The following DOCK4 variants were observed in gnomAD, a reference collection of about 807,000 sequenced individuals.
DOCK4 encodes dedicator of cytokinesis 4.
Under a neutral mutation model 268.1 loss-of-function variants are expected in DOCK4, and 97 were observed. The observed-to-expected ratio is 0.36, with a 90% CI of 0.31 to 0.43. DOCK4 has a LOEUF of 0.43. Among genes scored for constraint, DOCK4 ranks in the 20% least tolerant of loss-of-function variants. DOCK4 has a pLI of 1.00. For missense variants in DOCK4, 2,145 were observed against 2,455.7 expected (o/e 0.87, Z 2.67); for synonymous variants, 954 against 887.2 (o/e 1.08, Z -1.34).
At position 112,183,571 on chromosome 7, in the gene DOCK4, G is replaced by A. The variant is rs927968313; in HGVS notation, c.37+22531C>T. 2.0e-5 allele frequency among the ~76,000 whole-genome samples: 3 copies of A among 152,280 alleles called. No individual in the cohort carries two copies. In the South Asian group the frequency reaches 6.2e-4, roughly 32 times the overall value. The stretch of plus-strand genomic sequence containing the variant: ...CTCAAAAAGGATGGCATGGGCATGT[G>A]GGGTAGGGCAGTTCTTCCTTCTGAT... On this transcript the variant is annotated intron_variant, in intron 1 of 52. Transcript: ENST00000428084.
intron 50 of DOCK4, among the ~76,000 whole-genome samples, chr7:111,735,926 G>C (rs1367546079): frequency 6.6e-6 from 1 of 152,138 alleles, no homozygotes; most frequent in Non-Finnish European, 1.5e-5. Context: ...TTCACTTAAT[G>C]GGATGGAGTT....
intron 26 of DOCK4, 81 bp downstream of exon 26, chr7:111,834,507 G>C: frequency 9.1e-7 from 1 of 1,095,166 alleles, no homozygotes; most frequent in Non-Finnish European, 1.3e-6. Flanking sequence ...CAATTGTCTA[G>C]GATTTATCTC....
chr7:112,175,879 G>C (rs1818467335), intron 1 of DOCK4, among the ~76,000 whole-genome samples: 1 of 152,114 alleles, frequency 6.6e-6, no homozygotes, highest in Non-Finnish European at 1.5e-5. Context: ...ATTTAAGTGT[G>C]CTATAATAAC....
intron 17 of DOCK4, among the ~76,000 whole-genome samples, chr7:111,874,884 T>G (rs536334955): frequency 6.6e-6 from 1 of 152,160 alleles, no homozygotes; most frequent in Non-Finnish European, 1.5e-5. Context: ...AAATGCAAAT[T>G]TGCTCTATGA....
chr7:111,876,510 A>T (rs1010477849), intron 17 of DOCK4, among the ~76,000 whole-genome samples: 2 of 152,092 alleles, frequency 1.3e-5, no homozygotes, highest in Admixed American at 6.6e-5. Flanking sequence ...ACGATAAAAA[A>T]CTCAAAAATG....
intron 23 of DOCK4, 150 bp from the exon 24 acceptor site, chr7:111,847,276 A>T: frequency 1.0e-6 from 1 of 977,456 alleles, no homozygotes; most frequent in Non-Finnish European, 1.5e-6. Flanking sequence ...TTTATATTGA[A>T]AAACAGCAGT....
At chr7:112,018,179 A>AAAAAAAAAAAAAAAAAAACAC in intron 1 of DOCK4, among the ~76,000 whole-genome samples, 2 of 72,630 alleles carry the variant, frequency 2.8e-5, no homozygotes, top group African/African-American at 1.1e-4. Context: ...AAAAAAAAAA[A>AAAAAAAAAAAAAAAAAAACAC]ACACAGGCAA....
At chr7:111,856,739 G>A (rs1005304648) in intron 23 of DOCK4, among the ~76,000 whole-genome samples, 4 of 152,176 alleles carry the variant, frequency 2.6e-5, no homozygotes, top group South Asian at 2.1e-4. Flanking sequence ...AGGGGAATAC[G>A]GGTAAGCGGG....
chr7:111,781,372 G>A (rs1439910269), intron 35 of DOCK4, among the ~76,000 whole-genome samples: 2 of 152,220 alleles, frequency 1.3e-5, no homozygotes, highest in Non-Finnish European at 2.9e-5. Flanking sequence ...TCACTGTGAT[G>A]AGAGGCTGGC....
At position 111,930,199 on chromosome 7, in the gene DOCK4, C is replaced by A. The variant is rs564995570; in HGVS notation, c.1066+5341G>T. ...AACTACTCAACCTAACTATATCTAA[C>A]TGTGAAGATATAGTAATTCAATTTT... On this transcript the variant is annotated intron_variant, in intron 12 of 52. Coordinates refer to ENST00000428084, the MANE Select transcript of DOCK4 (RefSeq NM_001363540.2). Among the ~76,000 whole-genome samples, 46 of 152,180 alleles carry A rather than the reference C, an allele frequency of 3.0e-4. 3 individuals are homozygous for A.
At chr7:111,941,151 C>A (rs1438970992) in intron 10 of DOCK4, among the ~76,000 whole-genome samples, 1 of 152,190 alleles carries the variant, frequency 6.6e-6, no homozygotes, top group African/African-American at 2.4e-5. Flanking sequence ...CAGGGAAACA[C>A]AGCCCGAAAA....
chr7:112,132,988 A>T (rs41149), intron 1 of DOCK4, among the ~76,000 whole-genome samples: 49,214 of 152,104 alleles, frequency 0.32, 9,449 homozygotes, highest in South Asian at 0.48. Flanking sequence ...ACTGGTATTC[A>T]GGGCTCTTAA....
chr7:112,029,947 A>G (rs1447541680), intron 1 of DOCK4, among the ~76,000 whole-genome samples: 10 of 152,226 alleles, frequency 6.6e-5, no homozygotes, highest in Non-Finnish European at 7.3e-5. Flanking sequence ...AATCATTCCA[A>G]ATGTAACTTT....
At chr7:111,856,632 C>G (rs1045209359) in intron 23 of DOCK4, among the ~76,000 whole-genome samples, 2 of 152,208 alleles carry the variant, frequency 1.3e-5, no homozygotes, top group African/African-American at 4.8e-5. Context: ...GTTAAACTTT[C>G]AGCAAGTGCT....
intron 1 of DOCK4, among the ~76,000 whole-genome samples, chr7:112,037,939 G>A (rs1369873345): frequency 6.6e-6 from 1 of 152,074 alleles, no homozygotes; most frequent in Admixed American, 6.6e-5. Context: ...CATTCTAATG[G>A]TTATAATAAC....
intron 8 of DOCK4, among the ~76,000 whole-genome samples, chr7:111,961,827 C>G (rs1796922192): frequency 6.6e-6 from 1 of 152,114 alleles, no homozygotes; most frequent in South Asian, 2.1e-4. Flanking sequence ...GAATTCAGAC[C>G]ATCATCTATG....
intron 1 of DOCK4, among the ~76,000 whole-genome samples, chr7:112,050,789 G>C (rs1387221401): frequency 2.0e-5 from 3 of 152,106 alleles, no homozygotes; most frequent in Admixed American, 2.0e-4. Context: ...TTACTGATTT[G>C]AAAGTCTGCA....
At chr7:112,158,650 G>C (rs1362411837) in intron 1 of DOCK4, among the ~76,000 whole-genome samples, 1 of 152,018 alleles carries the variant, frequency 6.6e-6, no homozygotes, top group East Asian at 1.9e-4. Flanking sequence ...TTTTACTAAG[G>C]TTATCAGTGT....
chr7:112,192,917 T>C (rs1004023321), intron 1 of DOCK4, among the ~76,000 whole-genome samples: 6 of 152,062 alleles, frequency 3.9e-5, no homozygotes, highest in African/African-American at 9.7e-5. Flanking sequence ...CTAGCTACTC[T>C]CAGGAAACAC....
Sources: gnomAD v4.1 joint callset for allele counts (sites outside exome capture counted in the v4.1 genomes callset) on GRCh38, gnomAD v4.1.1 for gene constraint, MANE v1.5 for transcripts, NCBI Gene and HGNC (gene_info 2026-07-23, HGNC 2026-07-21) for gene names.